The following FGD5 variants were observed in gnomAD, a reference collection of about 807,000 sequenced individuals.
FGD5 encodes the protein FYVE, RhoGEF and PH domain-containing protein 5.
A neutral mutation model predicts 133.4 loss-of-function variants in FGD5; 28 were observed. The observed-to-expected ratio is 0.21, with a 90% CI of 0.16 to 0.29. The LOEUF is 0.29. Ranked by LOEUF, FGD5 falls within the 10% of genes least tolerant of loss-of-function variation. The probability of loss-of-function intolerance (pLI) is 1.00; values close to 1 mark genes in which losing one functional copy is unlikely to be tolerated. For missense variants in FGD5, 1,858 were observed against 1,895.2 expected (o/e 0.98, Z 0.36); for synonymous variants, 810 against 776.5 (o/e 1.04, Z -0.72).
intron 9 of FGD5, among the ~76,000 whole-genome samples, chr3:14,906,259 G>A (rs974235364): frequency 6.6e-6 from 1 of 152,248 alleles, no homozygotes; most frequent in African/African-American, 2.4e-5. Context: ...AGCAGGGCCT[G>A]TGAGCCGGGC....
chr3:14,835,418 T>C (rs2036798166), intron 1 of FGD5, among the ~76,000 whole-genome samples: 1 of 151,706 alleles, frequency 6.6e-6, no homozygotes, highest in African/African-American at 2.4e-5. Flanking sequence ...AAAAATTGCT[T>C]GAACCTGGGA....
At chr3:14,900,921 A>C in intron 8 of FGD5, 82 bp from the exon 9 acceptor site, 1 of 1,521,574 alleles carries the variant, frequency 6.6e-7, no homozygotes, top group Admixed American at 1.7e-5. Context: ...GCTGGGCTTG[A>C]GGCCTGTGAC....
At position 14,847,220 on chromosome 3, in the gene FGD5, T is replaced by C. The variant is rs116375363; in HGVS notation, c.2526-16908T>C. The stretch of plus-strand genomic sequence containing the variant: ...ACCCCCACCCGAAACACCTAATGTA[T>C]CAACTGGAACTTTTCTACGTGCTTT... On this transcript the variant is annotated intron_variant, in intron 1 of 19. Transcript: ENST00000285046. Among the ~76,000 whole-genome samples, 218 of 152,326 alleles carry C rather than the reference T, an allele frequency of 1.4e-3. 1 individual carries two copies. The highest frequency in any genetic ancestry group is 5.1e-3 in the African/African-American group (212 of 41,566).
chr3:14,860,395 T>TA (rs1173741157), intron 1 of FGD5, among the ~76,000 whole-genome samples: 5 of 152,220 alleles, frequency 3.3e-5, no homozygotes, highest in African/African-American at 1.2e-4. Flanking sequence ...GTTGTACTCA[T>TA]AATTCCTATA....
intron 9 of FGD5, among the ~76,000 whole-genome samples, chr3:14,904,238 G>C (rs145057459): frequency 6.6e-6 from 1 of 152,150 alleles, no homozygotes; most frequent in African/African-American, 2.4e-5. Context: ...TCTTAGGAGC[G>C]GGGGGTTATG....
At chr3:14,887,134 A>G (rs1386984499) in intron 4 of FGD5, among the ~76,000 whole-genome samples, 1 of 152,006 alleles carries the variant, frequency 6.6e-6, no homozygotes, top group Non-Finnish European at 1.5e-5. Context: ...AGCCATGATT[A>G]TTGGGTTGTA....
At chr3:14,919,014 A>G (rs1295867847) in intron 13 of FGD5, among the ~76,000 whole-genome samples, 181 bp downstream of exon 13, 1 of 152,138 alleles carries the variant, frequency 6.6e-6, no homozygotes, top group Non-Finnish European at 1.5e-5. Flanking sequence ...ATTTGATAAA[A>G]ACTTTTCTCC....
At chr3:14,862,755 C>T (rs2037422943) in intron 1 of FGD5, among the ~76,000 whole-genome samples, 1 of 152,114 alleles carries the variant, frequency 6.6e-6, no homozygotes, top group South Asian at 2.1e-4. Context: ...TGCCTCTGTA[C>T]ACAAGTGTGC....
chr3:14,902,653 G>A (rs2038263765), intron 9 of FGD5, among the ~76,000 whole-genome samples: 2 of 152,144 alleles, frequency 1.3e-5, no homozygotes, highest in Non-Finnish European at 2.9e-5. Flanking sequence ...GCTCTGCACT[G>A]ACCTCCCTGC....
upstream of FGD5, among the ~76,000 whole-genome samples, chr3:14,817,035 T>C (rs2036379675): frequency 6.6e-6 from 1 of 152,320 alleles, no homozygotes; most frequent in African/African-American, 2.4e-5. Context: ...GTAGCTAGTC[T>C]AAATTGAAGT....
chr3:14,873,513 T>G (rs1377328459), intron 2 of FGD5, among the ~76,000 whole-genome samples: 1 of 152,154 alleles, frequency 6.6e-6, no homozygotes, highest in Non-Finnish European at 1.5e-5. Flanking sequence ...TTTGAAGTCA[T>G]GGCTGGACCT....
At chr3:14,923,675 A>G (rs1277454286) in intron 16 of FGD5, among the ~76,000 whole-genome samples, 1 of 152,092 alleles carries the variant, frequency 6.6e-6, no homozygotes, top group Non-Finnish European at 1.5e-5. Flanking sequence ...CAGGAAGGAG[A>G]GCAGGTGTAT....
chr3:14,918,964 G>T, intron 13 of FGD5, 131 bp downstream of exon 13: 1 of 964,154 alleles, frequency 1.0e-6, no homozygotes. Flanking sequence ...CTGGGTCAAA[G>T]GACTTTTTTT....
chr3:14,900,312 C>T, intron 7 of FGD5, 91 bp from the exon 8 acceptor site: 1 of 1,318,848 alleles, frequency 7.6e-7, no homozygotes, highest in South Asian at 1.3e-5. Flanking sequence ...TTCATTCTTC[C>T]AACTCTGGCA....
chr3:14,917,446 G>T lies in FGD5; in HGVS notation c.3489+114G>T. 2 of 934,876 alleles carry T rather than the reference G, an allele frequency of 2.1e-6. No individual in the cohort carries two copies. Among genetic ancestry groups the T allele is most frequent in the South Asian group, 3.2e-5 (2 of 62,148 alleles). 57.9% of individuals were successfully genotyped at this position (934,876 alleles called of 1,614,324 possible). A position where few individuals can be genotyped will look rare whatever the true frequency, so the allele number is the denominator to read the frequency against. On this transcript the variant is annotated intron_variant, in intron 12 of 19. Transcript: ENST00000285046. This position sits in a 1 kb window ranked among gnomAD's most constrained non-coding sequence, Gnocchi z 4.1. ...AGACCAGCTGGAAGAGGGAGGCCCT[G>T]CGGAAACAGTGTTGGGCTACAGCAA... is the stretch of plus-strand genomic sequence containing the variant.
In FGD5 at chr3:14,918,719, C is replaced by T. The variant is rs775934882; in HGVS notation, c.3490-35C>T. On this transcript the variant is annotated intron_variant, in intron 12 of 19. Coordinates refer to ENST00000285046, the MANE Select transcript of FGD5 (RefSeq NM_152536.4). ...GCCGGTCTACACTTGCCCCTCCCTG[C>T]CCCACCCTGAAGGAGGCTGCTGTTG... 12 of 1,609,410 alleles carry T rather than the reference C, an allele frequency of 7.5e-6. No homozygotes were observed. The East Asian group carries it at 2.7e-4, about 36-fold the overall frequency.
chr3:14,844,213 AAAAAATATAT>A (rs1321379288), intron 1 of FGD5, among the ~76,000 whole-genome samples: 11 of 32,624 alleles, frequency 3.4e-4, no homozygotes, highest in Admixed American at 8.9e-4. Context: ...TTAAAAAAAA[AAAAAATATAT>A]ATATATATAT....
intron 17 of FGD5, among the ~76,000 whole-genome samples, chr3:14,925,703 G>A (rs1434479574): frequency 6.6e-6 from 1 of 152,196 alleles, no homozygotes; most frequent in African/African-American, 2.4e-5. Flanking sequence ...CTCCCTAAAT[G>A]TGAGGAAGAG....
chr3:14,820,293 C>G lies in FGD5; in HGVS notation c.1222C>G (p.Pro408Ala). The change falls in exon 1 of 20, where the codon CCC becomes GCC. Residue 408 changes from proline to alanine, a missense_variant. Pro to Ala is a conservative substitution (Grantham distance 27). Transcript: ENST00000285046. ...CCTACAGGGTGGAGCGGCCGAGGGT[C>G]CCGCAGCCCCTGATGTGGTGGTCGT... ...GSLQGGAAEG[P>A]AAPDVVVVLE... The G allele has an allele frequency of 6.2e-7, 1 of 1,605,230 alleles. No individual in the cohort carries two copies. Among genetic ancestry groups the G allele is most frequent in the South Asian group, 1.1e-5 (1 of 89,378 alleles).
Sources: allele counts gnomAD v4.1 joint callset (sites outside exome capture counted in the v4.1 genomes callset), GRCh38; gene constraint gnomAD v4.1.1; non-coding constraint Gnocchi (gnomAD v3.1); transcripts MANE v1.5; gene names NCBI Gene and HGNC (gene_info 2026-07-23, HGNC 2026-07-21).